Variants in CDH18 observed in about 807,000 individuals in gnomAD.
CDH18 encodes the protein cadherin-18.
CDH18 carries 31 observed loss-of-function variants against 67.9 expected under a neutral mutation model. The ratio of observed to expected loss-of-function variants is 0.46; its 90% CI spans 0.34 to 0.62. The LOEUF (loss-of-function observed/expected upper bound fraction) is 0.62. CDH18 is among the 20% of genes least tolerant of loss of function. The pLI is 0.01. For missense variants in CDH18, 890 were observed against 975.5 expected, an observed-to-expected ratio of 0.91 and a Z score of 1.17; for synonymous variants, 362 against 347.2, an observed-to-expected ratio of 1.04 and a Z score of -0.48.
intron 1 of CDH18, among the ~76,000 whole-genome samples, chr5:20,563,341 G>A (rs1758323914): frequency 1.3e-5 from 2 of 152,062 alleles, no homozygotes; most frequent in East Asian, 3.9e-4. Flanking sequence ...ACAAACAATT[G>A]TTTCTTGTGT....
chr5:19,755,544 A>AT (rs938255186), intron 3 of CDH18, among the ~76,000 whole-genome samples: 3 of 142,212 alleles, frequency 2.1e-5, no homozygotes, highest in Non-Finnish European at 3.1e-5. Flanking sequence ...TTTATATTTT[A>AT]TATATATATT....
intron 2 of CDH18, among the ~76,000 whole-genome samples, chr5:20,155,564 GC>G (rs1751460017): frequency 6.6e-6 from 1 of 151,972 alleles, no homozygotes; most frequent in African/African-American, 2.4e-5. Flanking sequence ...TTGTGTAAAA[GC>G]TTTGTAATTT....
chr5:19,591,611 A>T (rs904560084), intron 6 of CDH18, among the ~76,000 whole-genome samples: 8 of 152,114 alleles, frequency 5.3e-5, no homozygotes, highest in African/African-American at 1.7e-4. Flanking sequence ...CACCCATCGT[A>T]AATGTGAAGT....
rs956282590 is a variant in CDH18 at position 19,925,721 on chromosome 5, T to A, written c.-257+55339A>T. On this transcript the variant is annotated intron_variant, in intron 2 of 12. Coordinates refer to ENST00000382275, the MANE Select transcript of CDH18 (RefSeq NM_004934.5). Reference sequence around the variant, plus strand: ...CAAGCTGGTCTTGAACTCCTGACCTTTTGATCCACCCACCTCAGCCTCCCA... The same window carrying A: ...CAAGCTGGTCTTGAACTCCTGACCTATTGATCCACCCACCTCAGCCTCCCA... Among the ~76,000 whole-genome samples the A allele has an allele frequency of 5.3e-4, 80 of 151,992 alleles. 5 individuals are homozygous for A. Among genetic ancestry groups the A allele is most frequent in the Non-Finnish European group, 1.5e-5 (1 of 67,978 alleles).
chr5:19,733,133 G>A lies in CDH18; in HGVS notation c.524-11667C>T, dbSNP rs957386144. 2.6e-5 allele frequency among the ~76,000 whole-genome samples: 4 copies of A among 152,216 alleles called. No homozygotes were observed. The East Asian group carries it at 5.8e-4, about 22-fold the overall frequency. Reference sequence around the variant, plus strand: ...GAAATCCTAGGCATACCAGGGGTGGGCATCCCATGAAACCTCATCTTCAAG... The same window carrying A: ...GAAATCCTAGGCATACCAGGGGTGGACATCCCATGAAACCTCATCTTCAAG... On this transcript the variant is annotated intron_variant, in intron 4 of 12. Coordinates refer to ENST00000382275, the MANE Select transcript of CDH18 (RefSeq NM_004934.5).
intron 7 of CDH18, among the ~76,000 whole-genome samples, chr5:19,575,226 T>A (rs1464333502): frequency 6.6e-6 from 1 of 152,172 alleles, no homozygotes; most frequent in Non-Finnish European, 1.5e-5. Flanking sequence ...TAGAAAAATT[T>A]ATTGGTTATT....
intron 1 of CDH18, among the ~76,000 whole-genome samples, chr5:20,342,611 T>C (rs1167053096): frequency 1.3e-5 from 2 of 152,150 alleles, no homozygotes; most frequent in African/African-American, 4.8e-5. Flanking sequence ...AACAGCAATC[T>C]GGAGAATAGG....
At chr5:19,616,615 C>T (rs1437902329) in intron 5 of CDH18, among the ~76,000 whole-genome samples, 1 of 152,120 alleles carries the variant, frequency 6.6e-6, no homozygotes, top group African/African-American at 2.4e-5. Context: ...CCTCAATGAT[C>T]AAATTGCTCA....
intron 2 of CDH18, among the ~76,000 whole-genome samples, chr5:20,195,004 G>A (rs1182411984): frequency 6.6e-6 from 1 of 152,028 alleles, no homozygotes; most frequent in East Asian, 1.9e-4. Flanking sequence ...ATTAAATGGT[G>A]TGATTTTTAA....
chr5:20,550,442 A>T (rs532279200), intron 1 of CDH18, among the ~76,000 whole-genome samples: 1 of 152,322 alleles, frequency 6.6e-6, no homozygotes, highest in East Asian at 1.9e-4. Context: ...AAAGTTAAAG[A>T]TTTTTTAAAG....
intron 5 of CDH18, among the ~76,000 whole-genome samples, chr5:19,719,645 C>A (rs929166339): frequency 1.3e-5 from 2 of 151,862 alleles, no homozygotes; most frequent in African/African-American, 4.8e-5. Context: ...TTGGAACCAA[C>A]AGAACCTGCA....
chr5:20,159,468 A>G (rs745918262), intron 2 of CDH18, among the ~76,000 whole-genome samples: 95 of 152,294 alleles, frequency 6.2e-4, no homozygotes, highest in Non-Finnish European at 5.7e-4. Flanking sequence ...ACTTACTCCA[A>G]CTGAAAGATT....
chr5:20,447,300 T>C (rs1750074251), intron 1 of CDH18, among the ~76,000 whole-genome samples: 1 of 152,010 alleles, frequency 6.6e-6, no homozygotes, highest in South Asian at 2.1e-4. Flanking sequence ...GCCAATGTGA[T>C]GTTATTAAGA....
intron 1 of CDH18, among the ~76,000 whole-genome samples, chr5:20,518,561 G>A (rs1755520385): frequency 6.6e-6 from 1 of 152,114 alleles, no homozygotes; most frequent in Non-Finnish European, 1.5e-5. Context: ...CTGACACGTG[G>A]CGTTTCAATG....
chr5:19,941,201 G>C (rs945854659), intron 2 of CDH18, among the ~76,000 whole-genome samples: 3 of 151,998 alleles, frequency 2.0e-5, no homozygotes, highest in Non-Finnish European at 4.4e-5. Context: ...TGCGAGGAAA[G>C]AGTGAGAAGT....
intron 2 of CDH18, among the ~76,000 whole-genome samples, chr5:20,225,274 C>T (rs1190826831): frequency 6.6e-6 from 1 of 152,068 alleles, no homozygotes; most frequent in East Asian, 1.9e-4. Flanking sequence ...GTAATCTCTA[C>T]TGAAGGAGAA....
intron 1 of CDH18, among the ~76,000 whole-genome samples, chr5:20,430,880 G>A (rs943698497): frequency 2.6e-5 from 4 of 151,810 alleles, no homozygotes; most frequent in Admixed American, 6.6e-5. Flanking sequence ...AGTAAAATAC[G>A]GCCAAGTCCT....
chr5:20,186,821 AC>A (rs899402402), intron 2 of CDH18, among the ~76,000 whole-genome samples: 1 of 151,900 alleles, frequency 6.6e-6, no homozygotes, highest in African/African-American at 2.4e-5. Flanking sequence ...AGAAACAAGT[AC>A]TTAAACAGAT....
chr5:20,020,955 G>C (rs1277425597), intron 2 of CDH18, among the ~76,000 whole-genome samples: 3 of 151,928 alleles, frequency 2.0e-5, no homozygotes, highest in African/African-American at 7.3e-5. Context: ...GCCCTTGAGA[G>C]TAGCCAAGGG....
Sources: gnomAD v4.1 joint callset for allele counts (sites outside exome capture counted in the v4.1 genomes callset) on GRCh38, gnomAD v4.1.1 for gene constraint, MANE v1.5 for transcripts, NCBI Gene and HGNC (gene_info 2026-07-23, HGNC 2026-07-21) for gene names.